Variants in SQOR observed in about 807,000 individuals in gnomAD.
The protein encoded by SQOR is sulfide:quinone oxidoreductase, mitochondrial.
Under a neutral mutation model 48.6 loss-of-function variants are expected in SQOR, and 39 were observed. The observed-to-expected ratio is 0.80, with a 90% CI of 0.62 to 1.05. SQOR has a LOEUF of 1.05. Ranked by LOEUF, SQOR falls within the 50% of genes least tolerant of loss-of-function variation. The pLI is 0.00. For synonymous variants in SQOR, 220 were observed against 206.2 expected (o/e 1.07, Z -0.57); for missense variants, 561 against 559.9 (o/e 1.00, Z -0.02).
chr15:45,634,225 TTCA>T (rs1327779102), upstream of SQOR, among the ~76,000 whole-genome samples: 68 of 125,694 alleles, frequency 5.4e-4, no homozygotes, highest in East Asian at 1.2e-3. Flanking sequence ...TATATATATA[TTCA>T]AAATTCATAA....
intron 3 of SQOR, among the ~76,000 whole-genome samples, chr15:45,666,122 C>T (rs1190439905): frequency 2.0e-5 from 3 of 152,312 alleles, no homozygotes; most frequent in Middle Eastern, 3.4e-3. Context: ...TCAAATGCCT[C>T]AGCCTTTTTC....
chr15:45,686,691 C>T (rs1890231541), intron 7 of SQOR, among the ~76,000 whole-genome samples: 1 of 152,206 alleles, frequency 6.6e-6, no homozygotes, highest in African/African-American at 2.4e-5. Flanking sequence ...TTTGCTAACC[C>T]CTGATTTGGG....
chr15:45,673,814 T>C lies in SQOR; in HGVS notation c.654+13T>C. ...CTACTTCAGGAAGGTATGCTTCCTTTCTGGGGACAGAGATGAGCAGGGCGG... is the reference window on the plus strand; with the variant it reads ...CTACTTCAGGAAGGTATGCTTCCTTCCTGGGGACAGAGATGAGCAGGGCGG... On this transcript the variant is annotated intron_variant, in intron 5 of 9. Transcript: ENST00000260324. The C allele has an allele frequency of 6.2e-7, 1 of 1,613,166 alleles. No homozygotes were observed. The highest frequency in any genetic ancestry group is 8.5e-7 in the Non-Finnish European group (1 of 1,179,312).
At chr15:45,685,556 G>A (rs1890207834) in intron 7 of SQOR, among the ~76,000 whole-genome samples, 1 of 152,116 alleles carries the variant, frequency 6.6e-6, no homozygotes, top group Non-Finnish European at 1.5e-5. Flanking sequence ...TTGTAATACA[G>A]GGCAAAAACC....
intron 9 of SQOR, 116 bp from the exon 10 acceptor site, chr15:45,690,857 T>C: frequency 1.2e-6 from 1 of 866,096 alleles, no homozygotes; most frequent in Non-Finnish European, 2.0e-6. Context: ...CAATCTTGCT[T>C]TACGTGCTGA....
chr15:45,658,843 A>G, intron 1 of SQOR, 64 bp from the exon 2 acceptor site: 7 of 1,298,384 alleles, frequency 5.4e-6, no homozygotes, highest in Non-Finnish European at 7.2e-6. Flanking sequence ...TCCTGGAAAG[A>G]AAACGCTTCA....
upstream of SQOR, among the ~76,000 whole-genome samples, chr15:45,634,225 T>TATATATA (rs1566912034): frequency 1.4e-4 from 18 of 125,850 alleles, no homozygotes; most frequent in South Asian, 2.6e-4. Flanking sequence ...TATATATATA[T>TATATATA]TCAAAATTCA....
chr15:45,669,160 AT>A (rs1304304009), intron 3 of SQOR, among the ~76,000 whole-genome samples: 1 of 145,226 alleles, frequency 6.9e-6, no homozygotes, highest in African/African-American at 2.5e-5. Flanking sequence ...TTATATATAT[AT>A]TTTTTATTTT....
At chr15:45,653,586 C>T (rs907443404) in intron 1 of SQOR, among the ~76,000 whole-genome samples, 3 of 152,128 alleles carry the variant, frequency 2.0e-5, no homozygotes, top group Admixed American at 2.0e-4. Flanking sequence ...CCCCATTCTC[C>T]CTCCCAAGGT....
chr15:45,644,716 G>A (rs954293918), intron 1 of SQOR, among the ~76,000 whole-genome samples: 5 of 152,178 alleles, frequency 3.3e-5, no homozygotes, highest in African/African-American at 1.2e-4. Flanking sequence ...GTATTGTGAG[G>A]CAGGGGAAAG....
chr15:45,651,859 T>C (rs542166750), intron 1 of SQOR, among the ~76,000 whole-genome samples: 135 of 152,204 alleles, frequency 8.9e-4, no homozygotes, highest in African/African-American at 3.1e-3. Flanking sequence ...TTCTTCTTCT[T>C]CTCCTTCTCC....
intron 4 of SQOR, among the ~76,000 whole-genome samples, chr15:45,671,406 C>T (rs1377888702): frequency 9.2e-5 from 14 of 152,188 alleles, no homozygotes; most frequent in Admixed American, 9.2e-4. Flanking sequence ...GATCCACCCG[C>T]CTCAGCCTCT....
chr15:45,636,433 C>A (rs1194980684), intron 1 of SQOR, among the ~76,000 whole-genome samples: 2 of 140,306 alleles, frequency 1.4e-5, no homozygotes, highest in African/African-American at 2.7e-5. Context: ...GAGACGGAGT[C>A]TCACTCTGTC....
At chr15:45,647,248 G>GA (rs993190298) in intron 1 of SQOR, among the ~76,000 whole-genome samples, 10 of 150,874 alleles carry the variant, frequency 6.6e-5, no homozygotes, top group Admixed American at 2.6e-4. Flanking sequence ...AACTCTGTTA[G>GA]AAAAAAACAA....
intron 1 of SQOR, among the ~76,000 whole-genome samples, chr15:45,638,206 C>T (rs945646480): frequency 6.6e-6 from 1 of 152,186 alleles, no homozygotes; most frequent in African/African-American, 2.4e-5. Flanking sequence ...ATGTCTGTAA[C>T]TTTGGGAAGG....
intron 1 of SQOR, among the ~76,000 whole-genome samples, chr15:45,647,420 G>A (rs1253580141): frequency 6.7e-6 from 1 of 149,196 alleles, no homozygotes; most frequent in Non-Finnish European, 1.5e-5. Context: ...TCCTCTTCCT[G>A]GGTTCAAGTG....
chr15:45,635,766 T>C (rs904312633), intron 1 of SQOR, among the ~76,000 whole-genome samples: 5 of 152,212 alleles, frequency 3.3e-5, no homozygotes, highest in Non-Finnish European at 7.3e-5. Context: ...CCCATTGCTA[T>C]AATGCAGGGC....
At chr15:45,633,913 G>A (rs1251816142), upstream of SQOR, among the ~76,000 whole-genome samples, 2 of 150,852 alleles carry the variant, frequency 1.3e-5, no homozygotes, top group South Asian at 2.1e-4. Context: ...GGTGGCTCAC[G>A]CCTGTAATCC....
chr15:45,652,531 A>G (rs1482410518), intron 1 of SQOR, among the ~76,000 whole-genome samples: 1 of 150,936 alleles, frequency 6.6e-6, no homozygotes, highest in Non-Finnish European at 1.5e-5. Context: ...TTTTGTAGAG[A>G]CCAGGTTTCA....
Sources: allele counts gnomAD v4.1 joint callset (sites outside exome capture counted in the v4.1 genomes callset), GRCh38; gene constraint gnomAD v4.1.1; transcripts MANE v1.5; gene names NCBI Gene and HGNC (gene_info 2026-07-23, HGNC 2026-07-21).